ADGRV1: variants seen among roughly 807,000 people sequenced by gnomAD.
The protein encoded by ADGRV1 is G-protein coupled receptor 98.
ADGRV1 carries 359 observed loss-of-function variants against 596.2 expected under a neutral mutation model. The observed-to-expected ratio is 0.60, with a 90% CI of 0.55 to 0.66. The LOEUF (loss-of-function observed/expected upper bound fraction) is 0.66. Among genes scored for constraint, ADGRV1 ranks in the 30% least tolerant of loss-of-function variants. The pLI is 0.00. For missense variants in ADGRV1, 7,274 were observed against 7,575.6 expected (o/e 0.96, Z 1.48); for synonymous variants, 2,681 against 2,679.2 (o/e 1.00, Z -0.02).
At chr5:90,649,686 A>G (rs1461210478) in intron 17 of ADGRV1, among the ~76,000 whole-genome samples, 2 of 152,092 alleles carry the variant, frequency 1.3e-5, no homozygotes, top group South Asian at 4.1e-4. Flanking sequence ...ACGGGGTTTC[A>G]TCGTGTTGGC....
At chr5:90,597,310 T>C (rs1256023273) in intron 1 of ADGRV1, among the ~76,000 whole-genome samples, 2 of 152,262 alleles carry the variant, frequency 1.3e-5, no homozygotes, top group Non-Finnish European at 2.9e-5. Context: ...GTGGCCATTA[T>C]AGATTTTGGA....
intron 84 of ADGRV1, among the ~76,000 whole-genome samples, chr5:90,968,431 T>C (rs6865267): frequency 0.5 from 76,188 of 152,074 alleles, 20,689 homozygotes; most frequent in African/African-American, 0.71. Flanking sequence ...ATCTCTTCTT[T>C]GAGTTAGGTA....
At chr5:90,946,609 T>TC (rs1309441553) in intron 83 of ADGRV1, among the ~76,000 whole-genome samples, 1 of 151,874 alleles carries the variant, frequency 6.6e-6, no homozygotes, top group Non-Finnish European at 1.5e-5. Context: ...ATGCTCTCCC[T>TC]CCCCCCACTC....
intron 1 of ADGRV1, among the ~76,000 whole-genome samples, chr5:90,587,612 A>C (rs950438380): frequency 6.3e-5 from 9 of 143,230 alleles, no homozygotes; most frequent in African/African-American, 2.4e-4. Context: ...GCTGGAGTGC[A>C]GTGGTGCAAT....
rs574599124 is a variant in ADGRV1, at chr5:90,676,434, T to C, written c.5443+225T>C. Among the ~76,000 whole-genome samples the C allele has an allele frequency of 4.6e-5, 7 of 152,342 alleles. No homozygotes were observed. The East Asian group carries it at 1.2e-3, about 25-fold the overall frequency. On this transcript the variant is annotated intron_variant, in intron 25 of 89. Coordinates refer to ENST00000405460, the MANE Select transcript of ADGRV1 (RefSeq NM_032119.4). The stretch of plus-strand genomic sequence containing the variant: ...TATAATCTATATCAATCATTTTTGA[T>C]TGATAATCCCTTTCTTGGTAAAAAG...
At chr5:90,960,003 G>A (rs1260511980) in intron 83 of ADGRV1, among the ~76,000 whole-genome samples, 1 of 152,026 alleles carries the variant, frequency 6.6e-6, no homozygotes, top group Non-Finnish European at 1.5e-5. Flanking sequence ...GCTGGGCATG[G>A]TGGCGGGCAC....
intron 25 of ADGRV1, 111 bp from the exon 26 acceptor site, chr5:90,679,438 G>T: frequency 1.6e-6 from 1 of 622,604 alleles, no homozygotes; most frequent in Non-Finnish European, 2.9e-6. Context: ...CATGTTATTG[G>T]GTGAATATTA....
intron 85 of ADGRV1, among the ~76,000 whole-genome samples, chr5:91,003,453 G>A (rs1782004960): frequency 6.6e-6 from 1 of 152,162 alleles, no homozygotes; most frequent in South Asian, 2.1e-4. Context: ...AGTCACTGGT[G>A]ATATTTTATA....
At chr5:90,906,970 G>C (rs1279234770) in intron 83 of ADGRV1, among the ~76,000 whole-genome samples, 4 of 152,284 alleles carry the variant, frequency 2.6e-5, no homozygotes, top group Admixed American at 1.3e-4. Context: ...AACCTGCTAA[G>C]CCTCTCTGTA....
chr5:90,824,828 T>C (rs949084119), intron 76 of ADGRV1, among the ~76,000 whole-genome samples: 18 of 152,236 alleles, frequency 1.2e-4, no homozygotes, highest in African/African-American at 4.3e-4. Context: ...TCCAAGAACC[T>C]GTCATGGTTA....
intron 87 of ADGRV1, among the ~76,000 whole-genome samples, chr5:91,108,049 C>G (rs1170684356): frequency 6.6e-6 from 1 of 152,166 alleles, no homozygotes; most frequent in Non-Finnish European, 1.5e-5. Flanking sequence ...ACTGAAGCAG[C>G]AATGATTATT....
chr5:90,752,306 CTT>C (rs1368407013), intron 53 of ADGRV1, among the ~76,000 whole-genome samples: 1 of 151,984 alleles, frequency 6.6e-6, no homozygotes, highest in Non-Finnish European at 1.5e-5. Flanking sequence ...ATTTTTTTAA[CTT>C]TTATTTTAAG....
At chr5:90,586,650 G>A (rs1254605108) in intron 1 of ADGRV1, among the ~76,000 whole-genome samples, 1 of 152,198 alleles carries the variant, frequency 6.6e-6, no homozygotes, top group Non-Finnish European at 1.5e-5. Context: ...GGGCAAGAAT[G>A]CTACATCGGT....
chr5:90,581,784 C>G (rs1289360925), intron 1 of ADGRV1, among the ~76,000 whole-genome samples: 2 of 152,228 alleles, frequency 1.3e-5, no homozygotes, highest in Admixed American at 6.5e-5. Flanking sequence ...TCAGAGCTGT[C>G]AGACAGGGCT....
chr5:90,805,613 G>A (rs1761831186), intron 72 of ADGRV1, among the ~76,000 whole-genome samples, 155 bp downstream of exon 72: 1 of 152,142 alleles, frequency 6.6e-6, no homozygotes, highest in South Asian at 2.1e-4. Flanking sequence ...CAGGCTGCTT[G>A]GTGAGAAAAG....
intron 83 of ADGRV1, among the ~76,000 whole-genome samples, chr5:90,891,283 A>T (rs1265253552): frequency 1.3e-5 from 2 of 150,810 alleles, no homozygotes; most frequent in African/African-American, 2.4e-5. Context: ...GGAGTTAGCA[A>T]TAGATGTGTG....
At chr5:90,953,482 C>T (rs1223774930) in intron 83 of ADGRV1, among the ~76,000 whole-genome samples, 1 of 152,046 alleles carries the variant, frequency 6.6e-6, no homozygotes, top group Non-Finnish European at 1.5e-5. Context: ...GCTTCTTTCT[C>T]CAATTCTGGT....
intron 74 of ADGRV1, 41 bp downstream of exon 74, chr5:90,811,379 G>T: frequency 6.7e-7 from 1 of 1,482,402 alleles, no homozygotes; most frequent in South Asian, 1.4e-5. Context: ...ATACTTTTAT[G>T]GTACATAATT....
intron 86 of ADGRV1, among the ~76,000 whole-genome samples, chr5:91,083,501 C>A (rs184951111): frequency 3.2e-4 from 49 of 152,166 alleles, no homozygotes; most frequent in African/African-American, 1.1e-3. Flanking sequence ...GACGTTTTTA[C>A]AATATGTTGT....
Sources: gnomAD v4.1 joint callset for allele counts (sites outside exome capture counted in the v4.1 genomes callset) on GRCh38, gnomAD v4.1.1 for gene constraint, MANE v1.5 for transcripts, NCBI Gene and HGNC (gene_info 2026-07-23, HGNC 2026-07-21) for gene names.